Variants in CFAP299 observed in about 807,000 individuals in gnomAD.
The protein encoded by CFAP299 is cilia- and flagella-associated protein 299.
CFAP299 carries 21 observed loss-of-function variants against 27.0 expected under a neutral mutation model. That is an observed-to-expected ratio of 0.78 (90% CI 0.55 to 1.12). The LOEUF is 1.12. CFAP299 is among the 50% of genes most tolerant of loss of function. The pLI is 0.00. For missense variants in CFAP299, 310 were observed against 276.6 expected, an observed-to-expected ratio of 1.12 and a Z score of -0.86; for synonymous variants, 104 against 98.1, an observed-to-expected ratio of 1.06 and a Z score of -0.36.
intron 2 of CFAP299, among the ~76,000 whole-genome samples, chr4:80,394,280 A>C (rs1725655306): frequency 6.6e-6 from 1 of 152,004 alleles, no homozygotes; most frequent in Non-Finnish European, 1.5e-5. Context: ...CTATTTTCTA[A>C]TGGGGTTGTT....
At chr4:80,806,231 T>A (rs923842373) in intron 3 of CFAP299, among the ~76,000 whole-genome samples, 4 of 152,192 alleles carry the variant, frequency 2.6e-5, no homozygotes, top group African/African-American at 9.7e-5. Flanking sequence ...TTAAAGGGAT[T>A]AATCCATAAT....
At chr4:80,699,221 C>T in intron 3 of CFAP299, among the ~76,000 whole-genome samples, 1 of 152,132 alleles carries the variant, frequency 6.6e-6, no homozygotes, top group East Asian at 1.9e-4. Context: ...AGTATTGTCT[C>T]AGATGTACTT....
At chr4:80,515,576 T>G (rs1180180181) in intron 2 of CFAP299, among the ~76,000 whole-genome samples, 3 of 152,160 alleles carry the variant, frequency 2.0e-5, no homozygotes. Context: ...AAACACAGAA[T>G]TTTACATTTA....
intron 3 of CFAP299, among the ~76,000 whole-genome samples, chr4:80,702,416 G>A (rs991257899): frequency 4.0e-5 from 6 of 151,684 alleles, no homozygotes; most frequent in Non-Finnish European, 8.9e-5. Context: ...TTTTACACAC[G>A]ACACTGAGCT....
intron 3 of CFAP299, among the ~76,000 whole-genome samples, chr4:80,597,776 T>C (rs1737135228): frequency 6.6e-6 from 1 of 152,146 alleles, no homozygotes; most frequent in African/African-American, 2.4e-5. Flanking sequence ...AACCTCCTGC[T>C]TCCAGGTTCA....
rs1356582215 is a variant in CFAP299, at chr4:80,608,423, A to AAAAAC, written c.333+25242_333+25246dup. The AAAAAC allele has an allele frequency of 5.8e-6, 8 of 1,382,804 alleles. No homozygotes were observed. In the African/African-American group the frequency reaches 1.1e-4, roughly 20 times the overall value. 85.7% of individuals were successfully genotyped at this position (1,382,804 alleles called of 1,614,324 possible). A position where few individuals can be genotyped will look rare whatever the true frequency, so the allele number is the denominator to read the frequency against. The stretch of plus-strand genomic sequence containing the variant: ...TGGAAAAGTTTCCTTTACAAGTTAG[A>AAAAAC]AAAACATTTTGGCTTCATCCTACAT... On this transcript the variant is annotated intron_variant, in intron 3 of 5. Transcript: ENST00000358105.
At chr4:80,757,459 T>C (rs974915184) in intron 3 of CFAP299, among the ~76,000 whole-genome samples, 1 of 152,160 alleles carries the variant, frequency 6.6e-6, no homozygotes, top group Admixed American at 6.5e-5. Flanking sequence ...TTATTTTTAC[T>C]TATATTTATT....
chr4:80,556,883 G>A (rs1295919469), intron 2 of CFAP299, among the ~76,000 whole-genome samples: 2 of 151,926 alleles, frequency 1.3e-5, no homozygotes, highest in African/African-American at 4.8e-5. Context: ...TCTCCCTGCA[G>A]TTCACCCAAA....
chr4:80,428,541 T>G lies in CFAP299; in HGVS notation c.242+65657T>G, dbSNP rs141610028. Among the ~76,000 whole-genome samples the G allele has an allele frequency of 2.0e-3, 298 of 152,296 alleles. 1 individual carries two copies. Among genetic ancestry groups the G allele is most frequent in the African/African-American group, 6.9e-3 (285 of 41,568 alleles). On this transcript the variant is annotated intron_variant, in intron 2 of 5. Transcript: ENST00000358105. Reference sequence around the variant, plus strand: ...ATAACATTGCTTTTTTTTCTTTCTTTTTTTTGAGACAGTCTCACTCTGTCA... The same window carrying G: ...ATAACATTGCTTTTTTTTCTTTCTTGTTTTTGAGACAGTCTCACTCTGTCA...
intron 4 of CFAP299, among the ~76,000 whole-genome samples, chr4:80,897,033 C>T (rs545354484): frequency 9.2e-5 from 14 of 152,064 alleles, no homozygotes; most frequent in African/African-American, 1.2e-4. Context: ...GTGAAGGGCA[C>T]GGCATTACAA....
At chr4:80,799,033 T>G (rs1282423627) in intron 3 of CFAP299, among the ~76,000 whole-genome samples, 1 of 147,876 alleles carries the variant, frequency 6.8e-6, no homozygotes, top group African/African-American at 2.5e-5. Context: ...GAACCACTCC[T>G]GGTACCAAAA....
chr4:80,488,886 G>A (rs539128532), intron 2 of CFAP299, among the ~76,000 whole-genome samples: 2 of 152,302 alleles, frequency 1.3e-5, no homozygotes, highest in South Asian at 4.1e-4. Flanking sequence ...AAACGTTTGT[G>A]TCTCCCAGCA....
At chr4:80,607,859 G>C (rs1422394832) in intron 3 of CFAP299, among the ~76,000 whole-genome samples, 1 of 152,138 alleles carries the variant, frequency 6.6e-6, no homozygotes, top group East Asian at 1.9e-4. Flanking sequence ...TCTTAATGCT[G>C]TGGGAATAGA....
At chr4:80,375,219 A>T (rs914068397) in intron 2 of CFAP299, among the ~76,000 whole-genome samples, 3 of 152,216 alleles carry the variant, frequency 2.0e-5, no homozygotes, top group African/African-American at 7.2e-5. Flanking sequence ...ATAGAAGAGC[A>T]CAAAGGATAC....
chr4:80,825,848 C>A (rs1392645539), intron 3 of CFAP299, among the ~76,000 whole-genome samples: 2 of 151,774 alleles, frequency 1.3e-5, no homozygotes, highest in East Asian at 1.9e-4. Flanking sequence ...TTTATAAAGG[C>A]TAGTATTGTT....
intron 3 of CFAP299, among the ~76,000 whole-genome samples, chr4:80,664,467 G>A (rs1741037425): frequency 6.6e-6 from 1 of 152,152 alleles, no homozygotes; most frequent in South Asian, 2.1e-4. Flanking sequence ...AGAGGCAGTG[G>A]CTTTACCAAG....
intron 2 of CFAP299, among the ~76,000 whole-genome samples, chr4:80,508,350 C>T (rs558247483): frequency 2.0e-5 from 3 of 151,768 alleles, no homozygotes; most frequent in African/African-American, 2.4e-5. Context: ...CTTTTTTTCC[C>T]GAATTTACAA....
chr4:80,576,994 A>T (rs1411307458), intron 2 of CFAP299, among the ~76,000 whole-genome samples: 1 of 152,144 alleles, frequency 6.6e-6, no homozygotes, highest in Non-Finnish European at 1.5e-5. Context: ...TCCCAGGGGA[A>T]CCCCCAGATA....
intron 3 of CFAP299, among the ~76,000 whole-genome samples, chr4:80,675,825 C>A (rs185291026): frequency 6.6e-6 from 1 of 152,230 alleles, no homozygotes; most frequent in Non-Finnish European, 1.5e-5. Flanking sequence ...CAAGGCTCCA[C>A]GGGTGTGGGA....
Sources: gnomAD v4.1 joint callset for allele counts (sites outside exome capture counted in the v4.1 genomes callset) on GRCh38, gnomAD v4.1.1 for gene constraint, MANE v1.5 for transcripts, NCBI Gene and HGNC (gene_info 2026-07-23, HGNC 2026-07-21) for gene names.